The following EPHA5 variants were observed in gnomAD, a reference collection of about 807,000 sequenced individuals.
EPHA5 encodes the protein EPH receptor A5.
In EPHA5, 60 loss-of-function variants were observed where a neutral mutation model predicts 105.0. The ratio of observed to expected loss-of-function variants is 0.57; its 90% confidence interval spans 0.46 to 0.71. The LOEUF (loss-of-function observed/expected upper bound fraction) is 0.71. Ranked by LOEUF, EPHA5 falls within the 30% of genes least tolerant of loss-of-function variation. The probability of loss-of-function intolerance (pLI) is 0.00; values close to 1 mark genes in which losing one functional copy is unlikely to be tolerated. For missense variants in EPHA5, 1,218 were observed against 1,274.7 expected (o/e 0.96, Z 0.68); for synonymous variants, 513 against 449.1 (o/e 1.14, Z -1.80).
chr4:65,637,581 T>TATAC, intron 2 of EPHA5, among the ~76,000 whole-genome samples: 1 of 144,272 alleles, frequency 6.9e-6, no homozygotes, highest in South Asian at 2.2e-4. Context: ...TATATATATA[T>TATAC]ATATATATAT....
chr4:65,346,312 C>A (rs1722222047), intron 14 of EPHA5, among the ~76,000 whole-genome samples: 1 of 151,772 alleles, frequency 6.6e-6, no homozygotes, highest in South Asian at 2.1e-4. Flanking sequence ...ACTTGTATTT[C>A]TTACTTTTTG....
At chr4:65,600,132 A>AT (rs1202246531) in intron 3 of EPHA5, among the ~76,000 whole-genome samples, 1 of 152,184 alleles carries the variant, frequency 6.6e-6, no homozygotes, top group African/African-American at 2.4e-5. Context: ...TTAGACAGAA[A>AT]TATATTCAAT....
At chr4:65,382,181 T>A (rs1719626341) in intron 8 of EPHA5, among the ~76,000 whole-genome samples, 1 of 151,492 alleles carries the variant, frequency 6.6e-6, no homozygotes, top group Admixed American at 6.6e-5. Context: ...AATCAGACAC[T>A]CTCCTTATTT....
intron 2 of EPHA5, among the ~76,000 whole-genome samples, chr4:65,612,379 G>A (rs1285808727): frequency 1.3e-5 from 2 of 151,586 alleles, no homozygotes; most frequent in Non-Finnish European, 2.9e-5. Context: ...CTCTATATCC[G>A]TGAGTACACA....
chr4:65,487,749 C>G (rs1013156466), intron 5 of EPHA5, among the ~76,000 whole-genome samples: 6 of 152,146 alleles, frequency 3.9e-5, no homozygotes, highest in Admixed American at 1.3e-4. Context: ...CTTTAAAAAA[C>G]TCTAGCCTCT....
intron 5 of EPHA5, among the ~76,000 whole-genome samples, chr4:65,421,276 T>G (rs982325325): frequency 3.3e-5 from 5 of 152,046 alleles, no homozygotes; most frequent in African/African-American, 1.2e-4. Context: ...TTGCAAAACA[T>G]CTGAATATTT....
intron 2 of EPHA5, among the ~76,000 whole-genome samples, chr4:65,625,297 A>T (rs1479403984): frequency 6.6e-6 from 1 of 152,144 alleles, no homozygotes; most frequent in Non-Finnish European, 1.5e-5. Flanking sequence ...AGTTTTTTTT[A>T]AACTGCTAGT....
At chr4:65,474,539 T>G (rs1433190936) in intron 5 of EPHA5, among the ~76,000 whole-genome samples, 1 of 152,192 alleles carries the variant, frequency 6.6e-6, no homozygotes, top group Non-Finnish European at 1.5e-5. Flanking sequence ...ATCCTCTATT[T>G]TCTTACTAAT....
intron 10 of EPHA5, among the ~76,000 whole-genome samples, chr4:65,365,417 A>T (rs1166084466): frequency 3.3e-5 from 5 of 151,116 alleles, no homozygotes; most frequent in African/African-American, 4.8e-5. Flanking sequence ...ATAACAGAGG[A>T]TCATAAAACA....
intron 8 of EPHA5, among the ~76,000 whole-genome samples, chr4:65,374,941 C>T (rs537129420): frequency 5.9e-5 from 9 of 151,976 alleles, no homozygotes; most frequent in African/African-American, 2.2e-4. Context: ...ATAAATGATT[C>T]TTCTCAGCTC....
chr4:65,481,220 G>T (rs1402766654), intron 5 of EPHA5, among the ~76,000 whole-genome samples: 2 of 152,150 alleles, frequency 1.3e-5, no homozygotes, highest in Non-Finnish European at 2.9e-5. Context: ...AAATCACATT[G>T]AAATGATCAG....
At chr4:65,379,672 T>A (rs890038778) in intron 8 of EPHA5, among the ~76,000 whole-genome samples, 18 of 151,730 alleles carry the variant, frequency 1.2e-4, no homozygotes, top group Middle Eastern at 3.2e-3. Context: ...ACAGAATAGA[T>A]TCTCATTATC....
chr4:65,370,392 T>C (rs146720790), intron 8 of EPHA5, among the ~76,000 whole-genome samples: 73 of 152,284 alleles, frequency 4.8e-4, no homozygotes, highest in African/African-American at 1.7e-3. Context: ...ATATTCTAAA[T>C]ACAATTGTGT....
At chr4:65,394,517 A>C (rs1281898512) in intron 8 of EPHA5, among the ~76,000 whole-genome samples, 1 of 152,196 alleles carries the variant, frequency 6.6e-6, no homozygotes, top group African/African-American at 2.4e-5. Context: ...CAGACTAAAA[A>C]TGATGCATGG....
intron 5 of EPHA5, among the ~76,000 whole-genome samples, chr4:65,474,717 A>T (rs745585365): frequency 6.6e-5 from 10 of 152,214 alleles, no homozygotes; most frequent in Non-Finnish European, 1.3e-4. Context: ...AGTTGCTTTG[A>T]CTATTTCAGT....
chr4:65,454,955 T>C lies in EPHA5; in HGVS notation c.1403-34390A>G, dbSNP rs541513869. ...CATACAAATACACATTTTATGAAAA[T>C]TATATTTCTGCTTGGCACGGTGGCT... On this transcript the variant is annotated intron_variant, in intron 5 of 16. Transcript: ENST00000613740. 4.6e-5 allele frequency among the ~76,000 whole-genome samples: 7 copies of C among 152,238 alleles called. No homozygotes were observed. The South Asian group carries it at 1.5e-3, about 32-fold the overall frequency.
At chr4:65,352,555 C>T (rs1184823481) in intron 12 of EPHA5, among the ~76,000 whole-genome samples, 5 of 151,962 alleles carry the variant, frequency 3.3e-5, no homozygotes, top group African/African-American at 1.2e-4. Context: ...ACCACGTGAA[C>T]TCTGCTGGTG....
At chr4:65,592,388 G>C (rs578008817) in intron 3 of EPHA5, among the ~76,000 whole-genome samples, 38 of 152,124 alleles carry the variant, frequency 2.5e-4, no homozygotes, top group Non-Finnish European at 1.3e-4. Context: ...AAGGCAACTT[G>C]AATTTTAATG....
chr4:65,452,483 G>T (rs547096630), intron 5 of EPHA5, among the ~76,000 whole-genome samples: 1 of 151,538 alleles, frequency 6.6e-6, no homozygotes. Flanking sequence ...ACACTCCAGC[G>T]AAGGACAGAG....
Sources: allele counts gnomAD v4.1 joint callset (sites outside exome capture counted in the v4.1 genomes callset), GRCh38; gene constraint gnomAD v4.1.1; transcripts MANE v1.5; gene names NCBI Gene and HGNC (gene_info 2026-07-23, HGNC 2026-07-21).